The following IL12RB1 variants were observed in gnomAD, a reference collection of about 807,000 sequenced individuals.
The protein encoded by IL12RB1 is interleukin-12 receptor subunit beta-1.
A neutral mutation model predicts 94.4 loss-of-function variants in IL12RB1; 64 were observed. The ratio of observed to expected loss-of-function variants is 0.68; its 90% CI spans 0.55 to 0.83. The LOEUF is 0.83. IL12RB1 is among the 40% of genes least tolerant of loss of function. IL12RB1 has a pLI of 0.00. For synonymous variants in IL12RB1, 362 were observed against 355.5 expected, an observed-to-expected ratio of 1.02 and a Z score of -0.21; for missense variants, 814 against 855.6, an observed-to-expected ratio of 0.95 and a Z score of 0.61.
chr19:18,079,846 G>A (rs2035760207), intron 4 of IL12RB1, among the ~76,000 whole-genome samples: 1 of 151,806 alleles, frequency 6.6e-6, no homozygotes, highest in Non-Finnish European at 1.5e-5. Flanking sequence ...GCAGTGAGCC[G>A]AGATCGCGCC....
At chr19:18,076,147 C>T in intron 6 of IL12RB1, 150 bp downstream of exon 6, 1 of 701,740 alleles carries the variant, frequency 1.4e-6, no homozygotes, top group East Asian at 2.6e-5. Flanking sequence ...TTTGTTTCCC[C>T]ACCTGCAATT....
chr19:18,074,227 G>A (rs1431672310), intron 7 of IL12RB1, among the ~76,000 whole-genome samples: 1 of 151,844 alleles, frequency 6.6e-6, no homozygotes, highest in Non-Finnish European at 1.5e-5. Flanking sequence ...TCCCAGGCTT[G>A]TCTCAAACTC....
chr19:18,083,162 C>A, intron 2 of IL12RB1: 1 of 563,956 alleles, frequency 1.8e-6, no homozygotes, highest in East Asian at 3.0e-5. Flanking sequence ...CAGGTACTTT[C>A]TCCCATGTAC....
intron 1 of IL12RB1, among the ~76,000 whole-genome samples, chr19:18,096,455 T>C (rs1184815255): frequency 6.6e-6 from 1 of 152,106 alleles, no homozygotes; most frequent in African/African-American, 2.4e-5. Context: ...TAAAGTTTTA[T>C]TGGCACCAGG....
intron 10 of IL12RB1, 59 bp downstream of exon 10, chr19:18,069,487 C>G (rs2034850122): frequency 6.7e-7 from 1 of 1,492,110 alleles, no homozygotes; most frequent in Non-Finnish European, 9.0e-7. Flanking sequence ...TTGAACCCAC[C>G]AGGACCTAAA....
At position 18,080,961 on chromosome 19, in the gene IL12RB1, C is replaced by A; in HGVS notation, c.280G>T (p.Ala94Ser). Residue 94 changes from alanine to serine, a missense_variant, in exon 4 of 17, where the codon GCC (alanine) becomes TCC (serine). Ala to Ser is a moderately conservative substitution (Grantham distance 99, BLOSUM62 1). Transcript: ENST00000593993. ...TGGTCGGAGAACTGCAGCCTGGTGG[C>A]TGAGCCGGCGGCGAAGTAGCAGCAG... ...GRCCYFAAGS[A>S]TRLQFSDQAG... 1 of 1,613,712 alleles carries A rather than the reference C, an allele frequency of 6.2e-7. No homozygotes were observed. Among genetic ancestry groups the A allele is most frequent in the Non-Finnish European group, 8.5e-7 (1 of 1,179,910 alleles).
At chr19:18,096,833 A>T (rs984399744) in intron 1 of IL12RB1, among the ~76,000 whole-genome samples, 7 of 37,508 alleles carry the variant, frequency 1.9e-4, no homozygotes, top group Admixed American at 8.4e-4. Context: ...CTCATAAATT[A>T]AAAAAAAAAA....
At chr19:18,098,489 C>T (rs1599627151) in intron 1 of IL12RB1, among the ~76,000 whole-genome samples, 1 of 151,928 alleles carries the variant, frequency 6.6e-6, no homozygotes, top group Non-Finnish European at 1.5e-5. Context: ...CCATAGGGTC[C>T]TCCTTTTACT....
At chr19:18,098,086 G>T (rs2146692901) in intron 1 of IL12RB1, among the ~76,000 whole-genome samples, 1 of 152,254 alleles carries the variant, frequency 6.6e-6, no homozygotes, top group African/African-American at 2.4e-5. Context: ...AGAGGCTGAG[G>T]GCTCTGCCCC....
Position 18,082,172 on chromosome 19 carries a change from C to T in IL12RB1, c.217G>A (p.Val73Ile). Residue 73 changes from valine to isoleucine, a missense_variant, in exon 3 of 17, where the codon GTC (valine) becomes ATC (isoleucine). Transcript: ENST00000593993. ...CACCAACACCGCAGGAAGTGGCTGA[C>T]CCCAGCTGTGGGACCCTCATACTGC... is the stretch of plus-strand genomic sequence containing the variant. ...SWQYEGPTAG[V>I]SHFLRCCLSS... 1 of 1,611,866 alleles carries T rather than the reference C, an allele frequency of 6.2e-7. No individual in the cohort carries two copies. The highest frequency in any genetic ancestry group is 8.5e-7 in the Non-Finnish European group (1 of 1,178,108).
chr19:18,079,375 A>T (rs1162515255), intron 4 of IL12RB1, among the ~76,000 whole-genome samples: 1 of 152,112 alleles, frequency 6.6e-6, no homozygotes, highest in African/African-American at 2.4e-5. Flanking sequence ...AAGTGCTAGG[A>T]TTACAGGCGT....
At chr19:18,088,016 G>A (rs1466790398), upstream of IL12RB1, among the ~76,000 whole-genome samples, 1 of 152,132 alleles carries the variant, frequency 6.6e-6, no homozygotes, top group Non-Finnish European at 1.5e-5. Context: ...CACTTTGAGA[G>A]GTCGAGGTGG....
At chr19:18,087,248 C>T (rs1183267790), upstream of IL12RB1, among the ~76,000 whole-genome samples, 2 of 148,430 alleles carry the variant, frequency 1.3e-5, no homozygotes, top group African/African-American at 2.5e-5. Context: ...CCTGCTCTGT[C>T]GCCCGGGCTG....
chr19:18,085,089 A>C (rs1444556251), intron 1 of IL12RB1, among the ~76,000 whole-genome samples: 1 of 152,176 alleles, frequency 6.6e-6, no homozygotes. Context: ...GGATTGCCAC[A>C]GTCTGCTAGG....
At chr19:18,096,856 G>A (rs1338230747) in intron 1 of IL12RB1, among the ~76,000 whole-genome samples, 1 of 150,882 alleles carries the variant, frequency 6.6e-6, no homozygotes, top group African/African-American at 2.4e-5. Flanking sequence ...AAAAGTTTTG[G>A]TGTTTTGGCC....
chr19:18,078,330 C>T (rs1043934705), intron 4 of IL12RB1, among the ~76,000 whole-genome samples: 13 of 152,088 alleles, frequency 8.5e-5, no homozygotes, highest in African/African-American at 2.7e-4. Flanking sequence ...TCGCTTGAAC[C>T]CAGGAGGCGG....
intron 14 of IL12RB1, among the ~76,000 whole-genome samples, 195 bp from the exon 15 acceptor site, chr19:18,061,392 G>A (rs753495194): frequency 6.6e-6 from 1 of 152,044 alleles, no homozygotes; most frequent in Non-Finnish European, 1.5e-5. Flanking sequence ...CACCACACCC[G>A]GCTAATTTTT....
At chr19:18,084,468 A>G (rs2036183965) in intron 1 of IL12RB1, among the ~76,000 whole-genome samples, 1 of 147,732 alleles carries the variant, frequency 6.8e-6, no homozygotes, top group Non-Finnish European at 1.5e-5. Flanking sequence ...CCATGTATTC[A>G]TTAGTCCATC....
chr19:18,091,571 A>G (rs1410197867), upstream of IL12RB1: 1 of 152,228 alleles, frequency 6.6e-6, no homozygotes, highest in Non-Finnish European at 1.5e-5. Flanking sequence ...AAGGATGCAT[A>G]GGAGTTAGCC....
Sources: allele counts gnomAD v4.1 joint callset (sites outside exome capture counted in the v4.1 genomes callset), GRCh38; gene constraint gnomAD v4.1.1; transcripts MANE v1.5; gene names NCBI Gene and HGNC (gene_info 2026-07-23, HGNC 2026-07-21).